SLC8A1: variants seen among roughly 807,000 people sequenced by gnomAD.
SLC8A1 encodes the protein sodium/calcium exchanger 1.
SLC8A1 carries 18 observed loss-of-function variants against 68.3 expected under a neutral mutation model. The ratio of observed to expected loss-of-function variants is 0.26; its 90% CI spans 0.18 to 0.39. The LOEUF (loss-of-function observed/expected upper bound fraction) is 0.39. Among genes scored for constraint, SLC8A1 ranks in the 10% least tolerant of loss-of-function variants. The pLI, the probability that SLC8A1 is intolerant of heterozygous loss-of-function variation, is 1.00. For missense variants in SLC8A1, 985 were observed against 1,156.7 expected (o/e 0.85, Z 2.15); for synonymous variants, 475 against 415.5 (o/e 1.14, Z -1.74).
chr2:40,404,209 A>G (rs1001266383), intron 2 of SLC8A1, among the ~76,000 whole-genome samples: 3 of 152,148 alleles, frequency 2.0e-5, no homozygotes, highest in Non-Finnish European at 4.4e-5. Flanking sequence ...ATAATTCTCT[A>G]TAGCTTTTAC....
chr2:40,251,907 C>T (rs1328784961), intron 2 of SLC8A1: 33 of 152,034 alleles, frequency 2.2e-4, no homozygotes, highest in Admixed American at 1.8e-3. Flanking sequence ...GAATAAAGTC[C>T]GTGTAGATAC....
intron 2 of SLC8A1, among the ~76,000 whole-genome samples, chr2:40,280,841 A>G (rs2067411711): frequency 6.6e-6 from 1 of 152,194 alleles, no homozygotes; most frequent in African/African-American, 2.4e-5. Flanking sequence ...AGGCAGGAAG[A>G]ATGTTTTGTG....
intron 2 of SLC8A1, among the ~76,000 whole-genome samples, chr2:40,211,823 G>A (rs755120298): frequency 6.6e-5 from 10 of 152,086 alleles, no homozygotes; most frequent in South Asian, 2.1e-4. Context: ...TACAGAATCC[G>A]GATCACTTTA....
intron 1 of SLC8A1, among the ~76,000 whole-genome samples, 167 bp downstream of exon 1, chr2:40,451,737 T>TCTCACACACA (rs1491295790): frequency 7.5e-6 from 1 of 133,664 alleles, no homozygotes; most frequent in Non-Finnish European, 1.6e-5. Context: ...ACACACCACA[T>TCTCACACACA]CACACACACA....
intron 1 of SLC8A1, among the ~76,000 whole-genome samples, chr2:40,490,491 GA>G (rs1490677272): frequency 1.3e-5 from 2 of 152,054 alleles, no homozygotes; most frequent in Non-Finnish European, 2.9e-5. Context: ...AGACTGATAA[GA>G]ACCCAGTATT....
At chr2:40,097,567 T>G (rs2033646214) in exon 8 of SLC8A1, 1 of 152,008 alleles carries the variant, frequency 6.6e-6, no homozygotes, top group Admixed American at 6.6e-5. Flanking sequence ...TCAGGCAGCA[T>G]GCAGGAAGAG....
intron 1 of SLC8A1, among the ~76,000 whole-genome samples, chr2:40,471,990 A>G (rs967714148): frequency 7.9e-5 from 12 of 152,180 alleles, no homozygotes; most frequent in African/African-American, 2.7e-4. Flanking sequence ...CCTGCTTGTG[A>G]AAGGAGGAGA....
At chr2:40,285,574 A>C (rs1460056107) in intron 2 of SLC8A1, among the ~76,000 whole-genome samples, 1 of 152,188 alleles carries the variant, frequency 6.6e-6, no homozygotes, top group Non-Finnish European at 1.5e-5. Context: ...AGAGTGGCCC[A>C]TTACCACAGA....
At chr2:40,232,417 T>G (rs1253047909) in intron 2 of SLC8A1, among the ~76,000 whole-genome samples, 1 of 151,284 alleles carries the variant, frequency 6.6e-6, no homozygotes. Context: ...CTTCAGTTTT[T>G]TTTTCAAGGG....
intron 2 of SLC8A1, among the ~76,000 whole-genome samples, chr2:40,213,854 G>A (rs184691887): frequency 1.3e-5 from 2 of 152,268 alleles, no homozygotes; most frequent in Admixed American, 6.5e-5. Flanking sequence ...CTTGCTTTGG[G>A]TGTTCCAAAT....
exon 8 of SLC8A1, chr2:40,099,090 A>T (rs1215521858): frequency 6.6e-6 from 1 of 152,008 alleles, no homozygotes; most frequent in East Asian, 1.9e-4. Flanking sequence ...AATACTAGAG[A>T]AGATACTTTA....
intron 2 of SLC8A1, among the ~76,000 whole-genome samples, chr2:40,336,384 C>T (rs1665983866): frequency 6.6e-6 from 1 of 152,190 alleles, no homozygotes; most frequent in Non-Finnish European, 1.5e-5. Flanking sequence ...GCAGGGGCCT[C>T]TCTTGTCTGC....
chr2:40,510,282 A>C (rs960585314), intron 1 of SLC8A1, among the ~76,000 whole-genome samples: 38 of 152,228 alleles, frequency 2.5e-4, no homozygotes, highest in Non-Finnish European at 8.8e-5. Flanking sequence ...CTTGACTGTC[A>C]TGAATTTTCT....
intron 2 of SLC8A1, among the ~76,000 whole-genome samples, chr2:40,418,313 G>A (rs1404855779): frequency 1.3e-5 from 2 of 152,064 alleles, no homozygotes; most frequent in African/African-American, 4.8e-5. Context: ...ACTAGACCAT[G>A]TGTAGGTCAG....
At chr2:40,178,162 T>C (rs1306682758) in intron 2 of SLC8A1, among the ~76,000 whole-genome samples, 1 of 152,228 alleles carries the variant, frequency 6.6e-6, no homozygotes, top group Non-Finnish European at 1.5e-5. Flanking sequence ...GGATGCTTGA[T>C]TGACTGCCCT....
intron 2 of SLC8A1, among the ~76,000 whole-genome samples, chr2:40,236,738 C>G (rs1286503317): frequency 6.6e-6 from 1 of 152,150 alleles, no homozygotes; most frequent in East Asian, 1.9e-4. Flanking sequence ...GCCGCTGGTA[C>G]TGGTTGTTCC....
At chr2:40,124,350 A>C (rs1010568193) in intron 7 of SLC8A1, among the ~76,000 whole-genome samples, 1 of 152,182 alleles carries the variant, frequency 6.6e-6, no homozygotes, top group African/African-American at 2.4e-5. Flanking sequence ...CTCCAGAGAC[A>C]CTTTTTTGAA....
chr2:40,296,088 C>T (rs1158133757), intron 2 of SLC8A1, among the ~76,000 whole-genome samples: 1 of 152,102 alleles, frequency 6.6e-6, no homozygotes, highest in African/African-American at 2.4e-5. Context: ...ATAATTTACT[C>T]AGTTTTGCAA....
chr2:40,443,515 C>A (rs1223406900), intron 1 of SLC8A1, among the ~76,000 whole-genome samples: 4 of 152,112 alleles, frequency 2.6e-5, no homozygotes, highest in Non-Finnish European at 5.9e-5. Flanking sequence ...ACAGACGTAC[C>A]TTCTTAGATA....
Sources: gnomAD v4.1 joint callset for allele counts (sites outside exome capture counted in the v4.1 genomes callset) on GRCh38, gnomAD v4.1.1 for gene constraint, MANE v1.5 for transcripts, NCBI Gene and HGNC (gene_info 2026-07-23, HGNC 2026-07-21) for gene names.